The following RAB4B variants were observed in gnomAD, a reference collection of about 807,000 sequenced individuals.
The protein encoded by RAB4B is RAB4B, member RAS oncogene family, also known as ras-related protein Rab-4B.
RAB4B carries 15 observed loss-of-function variants against 28.3 expected under a neutral mutation model. The observed-to-expected ratio is 0.53, with a 90% confidence interval of 0.35 to 0.82. The LOEUF is 0.82. Among genes scored for constraint, RAB4B ranks in the 40% least tolerant of loss-of-function variants. The probability of loss-of-function intolerance (pLI) is 0.01; values close to 1 mark genes in which losing one functional copy is unlikely to be tolerated. For missense variants in RAB4B, 244 were observed against 288.5 expected, an observed-to-expected ratio of 0.85 and a Z score of 1.12; for synonymous variants, 108 against 116.3, an observed-to-expected ratio of 0.93 and a Z score of 0.46.
In RAB4B at chr19:40,786,905, G is replaced by T; in HGVS notation, c.584G>T (p.Arg195Leu). The T allele has an allele frequency of 6.2e-7, 1 of 1,614,046 alleles. No homozygotes were observed. The highest frequency in any genetic ancestry group is 8.5e-7 in the Non-Finnish European group (1 of 1,179,958). Residue 195 changes from arginine to leucine, a missense_variant, in exon 7 of 8, where the codon CGC (arginine) becomes CTC (leucine). Transcript: ENST00000357052. ...SGIQYGDASL[R>L]QLRQPRSAQA... ...ATTCAGTACGGGGATGCGTCCCTCC[G>T]CCAGCTTCGGCAGCCTCGGAGTGCC... is the stretch of plus-strand genomic sequence containing the variant.
At chr19:40,790,212 C>G (rs2604911) in intron 7 of RAB4B, among the ~76,000 whole-genome samples, 32,124 of 151,850 alleles carry the variant, frequency 0.21, 3,488 homozygotes, top group Middle Eastern at 0.27. Context: ...GAGGAGGTCA[C>G]CAGGACACCA....
chr19:40,795,717 T>A (rs1210332085), intron 7 of RAB4B, among the ~76,000 whole-genome samples: 1 of 148,926 alleles, frequency 6.7e-6, no homozygotes, highest in Non-Finnish European at 1.5e-5. Context: ...TATTTATTTA[T>A]TTATTTTGAG....
rs567210021 is a variant in RAB4B at position 40,796,911 on chromosome 19, A to G, written c.*357A>G. 6.6e-6 allele frequency: 1 copy of G among 152,338 alleles called. No homozygotes were observed. 9.4% of individuals were successfully genotyped at this position (152,338 alleles called of 1,614,324 possible). On this transcript the variant is annotated 3_prime_UTR_variant, in exon 8 of 8. Coordinates refer to ENST00000357052, the MANE Select transcript of RAB4B (RefSeq NM_016154.5). ...TTACCTGGAGGCCTGTCCAGCACCCACCCTACCCCCATAAAGCATTGTTTA... is the reference window on the plus strand; with the variant it reads ...TTACCTGGAGGCCTGTCCAGCACCCGCCCTACCCCCATAAAGCATTGTTTA...
chr19:40,785,552 G>T (rs149271556), intron 5 of RAB4B: 1 of 152,128 alleles, frequency 6.6e-6, no homozygotes, highest in Admixed American at 6.6e-5. Flanking sequence ...AAACTCATTT[G>T]AAAACATTGT....
At position 40,783,778 on chromosome 19, in the gene RAB4B, G is replaced by A. The variant is rs765220012; in HGVS notation, c.213G>A (p.Arg71=). The A allele has an allele frequency of 1.9e-6, 3 of 1,562,782 alleles. No individual in the cohort carries two copies. In the East Asian group the frequency reaches 6.8e-5, roughly 36 times the overall value. ...IWDTAGQERF[R]SVTRSYYRGA... is the part of the protein sequence containing the mutation. Reference sequence around the variant, plus strand: ...TGACTGGGTCCCCCTGGCCCCACAGGTCAGTGACGCGGAGTTATTACCGAG... The same window carrying A: ...TGACTGGGTCCCCCTGGCCCCACAGATCAGTGACGCGGAGTTATTACCGAG... The change falls in exon 4 of 8, where the codon CGG becomes CGA. Residue 71 remains arginine, a splice_region_variant and synonymous_variant. Coordinates refer to ENST00000357052, the MANE Select transcript of RAB4B (RefSeq NM_016154.5).
At chr19:40,779,680 T>A (rs548019831) in intron 1 of RAB4B, 1 of 266,494 alleles carries the variant, frequency 3.8e-6, no homozygotes, top group Admixed American at 5.1e-5. Flanking sequence ...GAGGTGGAGG[T>A]TGCGGTGAGC....
chr19:40,786,723 C>T lies in RAB4B; in HGVS notation c.489C>T (p.Leu163=). 6.2e-7 allele frequency: 1 copy of T among 1,614,110 alleles called. No individual in the cohort carries two copies. The highest frequency in any genetic ancestry group is 8.5e-7 in the Non-Finnish European group (1 of 1,179,998). The change falls in exon 6 of 8, where the codon CTC becomes CTT. Residue 163 remains leucine, a synonymous_variant. Coordinates refer to ENST00000357052, the MANE Select transcript of RAB4B (RefSeq NM_016154.5). ...GCGAGAACGTGGAGGAGGCGTTCCT[C>T]AAGTGTGCCCGCACTATCCTCAACA... is the stretch of plus-strand genomic sequence containing the variant. ...LTGENVEEAF[L]KCARTILNKI...
At chr19:40,786,475 C>T (rs981395009) in intron 5 of RAB4B, 190 bp from the exon 6 acceptor site, 4 of 790,826 alleles carry the variant, frequency 5.1e-6, no homozygotes, top group Non-Finnish European at 7.8e-6. Flanking sequence ...GAGCTGAGCT[C>T]TGAAGGAAGA....
intron 7 of RAB4B, 114 bp downstream of exon 7, chr19:40,787,092 CA>C: frequency 1.0e-6 from 1 of 964,554 alleles, no homozygotes; most frequent in Non-Finnish European, 1.5e-6. Context: ...GAGAAAGATG[CA>C]AAAACACACA....
chr19:40,785,222 A>G (rs2083087125), intron 5 of RAB4B, among the ~76,000 whole-genome samples: 1 of 151,590 alleles, frequency 6.6e-6, no homozygotes, highest in South Asian at 2.1e-4. Flanking sequence ...AAGGTTTGCA[A>G]GGGCCAACCA....
chr19:40,793,393 C>T (rs1234031283), intron 7 of RAB4B, among the ~76,000 whole-genome samples: 4 of 151,774 alleles, frequency 2.6e-5, no homozygotes, highest in Non-Finnish European at 4.4e-5. Context: ...CACCACCACG[C>T]CCAGCTAATT....
At chr19:40,789,954 G>T (rs7245595) in intron 7 of RAB4B, among the ~76,000 whole-genome samples, 42,366 of 152,194 alleles carry the variant, frequency 0.28, 7,307 homozygotes, top group East Asian at 0.43. Context: ...CCTGGTGTCG[G>T]TGAGGGTGAC....
chr19:40,784,133 G>T, intron 5 of RAB4B, 58 bp downstream of exon 5: 1 of 1,518,056 alleles, frequency 6.6e-7, no homozygotes, highest in Non-Finnish European at 8.9e-7. Flanking sequence ...CAGGGACCAT[G>T]GGTTTACTGG....
intron 3 of RAB4B, 151 bp downstream of exon 3, chr19:40,780,650 A>G: frequency 1.5e-6 from 1 of 661,370 alleles, no homozygotes; most frequent in Non-Finnish European, 2.6e-6. Flanking sequence ...TATATATCCA[A>G]GGAGAGAGGG....
At chr19:40,784,140 C>T in intron 5 of RAB4B, 65 bp downstream of exon 5, 3 of 1,506,622 alleles carry the variant, frequency 2.0e-6, no homozygotes, top group Non-Finnish European at 2.7e-6. Flanking sequence ...CATGGGTTTA[C>T]TGGCTCTCAG....
chr19:40,785,088 C>T (rs1420957446), intron 5 of RAB4B, among the ~76,000 whole-genome samples: 7 of 151,854 alleles, frequency 4.6e-5, no homozygotes, highest in Non-Finnish European at 1.0e-4. Flanking sequence ...ACTGGGATTA[C>T]AGGCGTGAGA....
intron 7 of RAB4B, among the ~76,000 whole-genome samples, chr19:40,787,310 G>A (rs552810790): frequency 2.0e-5 from 3 of 152,154 alleles, no homozygotes; most frequent in South Asian, 2.1e-4. Flanking sequence ...CGAGGCGGGC[G>A]GATGACCTGA....
intron 5 of RAB4B, chr19:40,786,136 A>G: frequency 6.1e-6 from 1 of 164,726 alleles, no homozygotes; most frequent in Non-Finnish European, 1.2e-5. Context: ...GTCAAGGCCA[A>G]GTTTGGGAGG....
chr19:40,795,084 G>C (rs1381433236), intron 7 of RAB4B, among the ~76,000 whole-genome samples: 1 of 150,666 alleles, frequency 6.6e-6, no homozygotes, highest in African/African-American at 2.4e-5. Context: ...CAGGAGAATG[G>C]CGTGAACGCA....
Sources: allele counts gnomAD v4.1 joint callset (sites outside exome capture counted in the v4.1 genomes callset), GRCh38; gene constraint gnomAD v4.1.1; transcripts MANE v1.5; gene names NCBI Gene and HGNC (gene_info 2026-07-23, HGNC 2026-07-21).